SFSWAP: variants seen among roughly 807,000 people sequenced by gnomAD.
SFSWAP encodes the protein splicing factor, suppressor of white-apricot homolog.
A neutral mutation model predicts 100.7 loss-of-function variants in SFSWAP; 17 were observed. The observed-to-expected ratio is 0.17, with a 90% CI of 0.12 to 0.25. The LOEUF (loss-of-function observed/expected upper bound fraction) is 0.25. SFSWAP is among the 10% of genes least tolerant of loss of function. The pLI is 1.00. For synonymous variants in SFSWAP, 504 were observed against 510.1 expected, an observed-to-expected ratio of 0.99 and a Z score of 0.16; for missense variants, 1,005 against 1,262.6, an observed-to-expected ratio of 0.80 and a Z score of 3.09.
At chr12:131,755,891 A>G (rs115159961) in intron 10 of SFSWAP, among the ~76,000 whole-genome samples, 2,420 of 152,362 alleles carry the variant, frequency 0.016, 62 homozygotes, top group African/African-American at 0.054. Flanking sequence ...GGTGTCCTGC[A>G]GCACGGCCTC....
chr12:131,758,554 G>A (rs951006020), intron 11 of SFSWAP, among the ~76,000 whole-genome samples: 2 of 152,076 alleles, frequency 1.3e-5, no homozygotes, highest in Non-Finnish European at 2.9e-5. Context: ...AGACTCTTGC[G>A]TAACAGGAGA....
intron 4 of SFSWAP, among the ~76,000 whole-genome samples, chr12:131,724,452 G>A (rs1042764579): frequency 1.3e-5 from 2 of 152,226 alleles, no homozygotes; most frequent in African/African-American, 4.8e-5. Flanking sequence ...CTTTTTAAGT[G>A]TGAAGGATGT....
At chr12:131,763,586 T>C (rs1368957734) in intron 11 of SFSWAP, among the ~76,000 whole-genome samples, 2 of 152,142 alleles carry the variant, frequency 1.3e-5, no homozygotes, top group Non-Finnish European at 2.9e-5. Context: ...CTTCTAAACT[T>C]CTGTCACGCT....
intron 14 of SFSWAP, chr12:131,784,448 A>C (rs560952878): frequency 1.3e-5 from 2 of 152,324 alleles, no homozygotes; most frequent in East Asian, 3.9e-4. Context: ...GAATATGACC[A>C]CTGTCATTCA....
intron 11 of SFSWAP, 39 bp downstream of exon 11, chr12:131,756,683 C>A: frequency 1.3e-6 from 2 of 1,519,534 alleles, no homozygotes; most frequent in South Asian, 1.3e-5. Context: ...CACATTCCAC[C>A]ATAAGTTGGC....
chr12:131,711,237 G>A lies in SFSWAP; in HGVS notation c.8G>A (p.Gly3Asp). The change falls in exon 1 of 18, where the codon GGC (glycine) becomes GAC (aspartate). Residue 3 changes from glycine (G) to aspartate (D), a missense_variant. By Grantham distance (94) the Gly-to-Asp change is moderately conservative. This residue lies in a region of SFSWAP where 237 missense variants were observed against 337.0 expected (regional missense o/e 0.70). Transcript: ENST00000261674. The surrounding 1 kb of genome is among the most constrained non-coding windows in gnomAD (Gnocchi z 4.9). MYGASGGRAKPER... is the reference protein window; with the variant it reads MYDASGGRAKPER... ...GACGCCGGGGACGCTGTCATGTACGGCGCGAGCGGGGGCCGCGCCAAACCC... is the reference window on the plus strand; with the variant it reads ...GACGCCGGGGACGCTGTCATGTACGACGCGAGCGGGGGCCGCGCCAAACCC... 6.2e-7 allele frequency: 1 copy of A among 1,601,692 alleles called. No individual in the cohort carries two copies. The highest frequency in any genetic ancestry group is 8.5e-7 in the Non-Finnish European group (1 of 1,176,298).
intron 5 of SFSWAP, among the ~76,000 whole-genome samples, chr12:131,726,286 T>C (rs1359055798): frequency 1.3e-5 from 2 of 152,176 alleles, no homozygotes; most frequent in Non-Finnish European, 2.9e-5. Context: ...CTTGGCTTAC[T>C]GCAACCTCCG....
At position 131,760,309 on chromosome 12, in the gene SFSWAP, T is replaced by C. The variant is rs375552403; in HGVS notation, c.1720+3665T>C. 6.2e-4 allele frequency among the ~76,000 whole-genome samples: 95 copies of C among 152,214 alleles called. 1 individual carries two copies. In the Middle Eastern group the frequency reaches 0.014, roughly 22 times the overall value. Reference sequence around the variant, plus strand: ...AAAATAAAGGTTAACATCCTCACTATAGAAAGAGCTTTTATAAATCAATAC... The same window carrying C: ...AAAATAAAGGTTAACATCCTCACTACAGAAAGAGCTTTTATAAATCAATAC... On this transcript the variant is annotated intron_variant, in intron 11 of 17. Coordinates refer to ENST00000261674, the MANE Select transcript of SFSWAP (RefSeq NM_004592.4).
chr12:131,771,871 C>T (rs1883642885), intron 13 of SFSWAP, among the ~76,000 whole-genome samples: 1 of 152,086 alleles, frequency 6.6e-6, no homozygotes, highest in African/African-American at 2.4e-5. Flanking sequence ...CCATGTTGGC[C>T]AGGATGGTCT....
intron 4 of SFSWAP, among the ~76,000 whole-genome samples, chr12:131,720,525 G>A (rs753339199): frequency 5.3e-5 from 8 of 152,132 alleles, no homozygotes; most frequent in Admixed American, 2.6e-4. Flanking sequence ...GGACATTTTC[G>A]TAACTGGATT....
chr12:131,779,262 A>AGCGTGTGTGAAGAGGGCGGCGCGGGTGC (rs1884297203), intron 14 of SFSWAP, among the ~76,000 whole-genome samples: 2 of 148,124 alleles, frequency 1.4e-5, no homozygotes, highest in Non-Finnish European at 3.0e-5. Context: ...GGCGCGGGTG[A>AGCGTGTGTGAAGAGGGCGGCGCGGGTGC]GTGTGTGTGA....
intron 12 of SFSWAP, among the ~76,000 whole-genome samples, chr12:131,765,811 C>T (rs1363424225): frequency 2.3e-5 from 1 of 43,144 alleles, no homozygotes; most frequent in Non-Finnish European, 1.2e-4. Flanking sequence ...TGGAATAAAA[C>T]ACTTATAGAG....
chr12:131,735,089 C>A (rs763908829), intron 7 of SFSWAP, among the ~76,000 whole-genome samples: 1 of 152,286 alleles, frequency 6.6e-6, no homozygotes, highest in East Asian at 1.9e-4. Flanking sequence ...AGAGAGCTGG[C>A]GAGAGGCTTT....
Position 131,711,872 on chromosome 12 carries a change from T to G in SFSWAP, c.218+425T>G. 1 of 187,820 alleles carries G rather than the reference T, an allele frequency of 5.3e-6. No homozygotes were observed. The highest frequency in any genetic ancestry group is 1.1e-5 in the Non-Finnish European group (1 of 88,182). 11.6% of individuals were successfully genotyped at this position (187,820 alleles called of 1,614,324 possible). On this transcript the variant is annotated intron_variant, in intron 1 of 17. Transcript: ENST00000261674. The surrounding 1 kb of genome is among the most constrained non-coding windows in gnomAD (Gnocchi z 4.9). ...CTCACTGCTCGGTGTACTGGGAGGGTACCCTGGGAGGCGTGCCTTTATTCT... is the reference window on the plus strand; with the variant it reads ...CTCACTGCTCGGTGTACTGGGAGGGGACCCTGGGAGGCGTGCCTTTATTCT...
In SFSWAP at chr12:131,746,966, T is replaced by C. The variant is rs1307223366; in HGVS notation, c.1082-6157T>C. On this transcript the variant is annotated intron_variant, in intron 7 of 17. Transcript: ENST00000261674. ...AAAAATACAAAAAATTAGCCGGGTGTGGTGGCGGGTGCCTGTAGTCCCAGC... is the reference window on the plus strand; with the variant it reads ...AAAAATACAAAAAATTAGCCGGGTGCGGTGGCGGGTGCCTGTAGTCCCAGC... Among the ~76,000 whole-genome samples the C allele has an allele frequency of 3.9e-5, 6 of 152,072 alleles. No individual in the cohort carries two copies. The South Asian group carries it at 6.2e-4, about 16-fold the overall frequency.
In SFSWAP at chr12:131,778,141, G is replaced by A; in HGVS notation, c.2219G>A (p.Arg740Lys). ...ACTTTAGAAGTTAAACCACCCGATA[G>A]GCCTTCGAGCAAAAGCAAAGATCCA... ...LPTLEVKPPD[R>K]PSSKSKDPPR... Residue 740 changes from arginine (R) to lysine (K), a missense_variant, in exon 14 of 18, where the codon AGG becomes AAG. Coordinates refer to ENST00000261674, the MANE Select transcript of SFSWAP (RefSeq NM_004592.4). This position sits in a 1 kb window ranked among gnomAD's most constrained non-coding sequence, Gnocchi z 4.2. 1.2e-6 allele frequency: 2 copies of A among 1,613,746 alleles called. No individual in the cohort carries two copies. Among genetic ancestry groups the A allele is most frequent in the South Asian group, 2.2e-5 (2 of 91,044 alleles).
intron 16 of SFSWAP, 34 bp from the exon 17 acceptor site, chr12:131,799,003 G>A: frequency 1.3e-6 from 2 of 1,550,898 alleles, no homozygotes; most frequent in Non-Finnish European, 1.8e-6. Context: ...TCTTCACACG[G>A]TTGTAAGCTC....
chr12:131,741,644 CAA>C (rs543737279), intron 7 of SFSWAP, among the ~76,000 whole-genome samples: 8 of 68,820 alleles, frequency 1.2e-4, no homozygotes, highest in African/African-American at 1.1e-4. Context: ...AGACTCTGTC[CAA>C]AAAAAAAAAA....
Position 131,733,763 on chromosome 12 carries a change from G to A in SFSWAP, c.1081+5335G>A, listed in dbSNP as rs1318712922. On this transcript the variant is annotated intron_variant, in intron 7 of 17. Transcript: ENST00000261674. The surrounding 1 kb of genome is among the most constrained non-coding windows in gnomAD (Gnocchi z 5.1). ...CTTGGTGAGGTGGGGGACAGGCAGGGGTGGGCCCCGAGGTGTGCAGAGTGT... is the reference window on the plus strand; with the variant it reads ...CTTGGTGAGGTGGGGGACAGGCAGGAGTGGGCCCCGAGGTGTGCAGAGTGT... 6.6e-6 allele frequency among the ~76,000 whole-genome samples: 1 copy of A among 152,074 alleles called. No homozygotes were observed. The highest frequency in any genetic ancestry group is 1.5e-5 in the Non-Finnish European group (1 of 67,980).
Sources: gnomAD v4.1 joint callset for allele counts (sites outside exome capture counted in the v4.1 genomes callset) on GRCh38, gnomAD v4.1.1 for gene constraint, gnomAD v4.1.1 regional missense constraint, Gnocchi (gnomAD v3.1) non-coding constraint, MANE v1.5 for transcripts, NCBI Gene and HGNC (gene_info 2026-07-23, HGNC 2026-07-21) for gene names.